The following TRIM55 variants were observed in gnomAD, a reference collection of about 807,000 sequenced individuals.
TRIM55 encodes tripartite motif containing 55.
A neutral mutation model predicts 60.9 loss-of-function variants in TRIM55; 50 were observed. That is an observed-to-expected ratio of 0.82 (90% CI 0.65 to 1.04). The LOEUF (loss-of-function observed/expected upper bound fraction) is 1.04, where lower values mean the gene tolerates loss of function less well. Among genes scored for constraint, TRIM55 ranks in the 50% least tolerant of loss-of-function variants. The pLI, the probability that TRIM55 is intolerant of heterozygous loss-of-function variation, is 0.00. For missense variants in TRIM55, 681 were observed against 666.9 expected, an observed-to-expected ratio of 1.02 and a Z score of -0.23; for synonymous variants, 237 against 238.1, an observed-to-expected ratio of 1.00 and a Z score of 0.04.
chr8:66,156,504 C>A (rs959975623), intron 9 of TRIM55, among the ~76,000 whole-genome samples: 1 of 152,120 alleles, frequency 6.6e-6, no homozygotes, highest in African/African-American at 2.4e-5. Flanking sequence ...TGAGGACTGA[C>A]ATCATAATCC....
chr8:66,153,182 A>G (rs904941584), intron 8 of TRIM55, among the ~76,000 whole-genome samples: 2 of 152,156 alleles, frequency 1.3e-5, no homozygotes, highest in South Asian at 4.1e-4. Flanking sequence ...AATACAACTT[A>G]TGTATTTTTC....
Position 66,149,517 on chromosome 8 carries a change from A to T in TRIM55, c.604-128A>T, listed in dbSNP as rs1586211621. 29 of 711,268 alleles carry T rather than the reference A, an allele frequency of 4.1e-5. No homozygotes were observed. The South Asian group carries it at 5.6e-4, about 14-fold the overall frequency. 44.1% of individuals were successfully genotyped at this position (711,268 alleles called of 1,614,324 possible). ...ATAGTGGGTATCCATACCTAAATAGACATCTTCAGGGAAAAGAAAAAAATA... is the reference window on the plus strand; with the variant it reads ...ATAGTGGGTATCCATACCTAAATAGTCATCTTCAGGGAAAAGAAAAAAATA... On this transcript the variant is annotated intron_variant, in intron 4 of 9. Transcript: ENST00000315962.
In TRIM55 at chr8:66,154,273, C is replaced by T. The variant is rs375031307; in HGVS notation, c.1463C>T (p.Ala488Val). ...NVRKAEVAAA[A>V]ASERAAVSGK... ...CGGAAGGCAGAAGTGGCAGCAGCCG[C>T]AGCGAGTGAGAGGGCAGCTGTGAGT... is the stretch of plus-strand genomic sequence containing the variant. Residue 488 changes from alanine (A) to valine (V), a missense_variant, in exon 9 of 10, where the codon GCA (alanine) becomes GTA (valine). Transcript: ENST00000315962. The T allele has an allele frequency of 3.7e-6, 6 of 1,614,008 alleles. No individual in the cohort carries two copies. In the African/African-American group the frequency reaches 8.0e-5, roughly 22 times the overall value.
the TRIM55 span, among the ~76,000 whole-genome samples, chr8:66,115,967 A>G: frequency 1.3e-5 from 2 of 152,348 alleles, no homozygotes; most frequent in East Asian, 3.9e-4. Context: ...CAAACTGTAG[A>G]GATTCGGACA....
At chr8:66,114,117 A>G in the TRIM55 span, among the ~76,000 whole-genome samples, 1 of 135,308 alleles carries the variant, frequency 7.4e-6, no homozygotes, top group Non-Finnish European at 1.6e-5. Context: ...TTTGAACCAA[A>G]AAAGTCTGTC....
intron 4 of TRIM55, among the ~76,000 whole-genome samples, chr8:66,148,560 G>T (rs1319181029): frequency 6.6e-6 from 1 of 152,192 alleles, no homozygotes; most frequent in Non-Finnish European, 1.5e-5. Flanking sequence ...GGTGACTTGG[G>T]GAAGAACACT....
intron 3 of TRIM55, among the ~76,000 whole-genome samples, chr8:66,135,617 GCACTCTT>G (rs779849252): frequency 0.019 from 2,826 of 152,136 alleles, 42 homozygotes; most frequent in Non-Finnish European, 0.026. Context: ...CTTTTATCCC[GCACTCTT>G]AGTGAGGGAG....
intron 8 of TRIM55, 32 bp from the exon 9 acceptor site, chr8:66,154,015 C>G: frequency 5.5e-6 from 8 of 1,450,924 alleles, no homozygotes; most frequent in Non-Finnish European, 4.6e-6. Flanking sequence ...TTTTTTTTTT[C>G]TTTACTTTTG....
At chr8:66,113,384 G>A in the TRIM55 span, 2 of 393,454 alleles carry the variant, frequency 5.1e-6, no homozygotes, top group Non-Finnish European at 1.0e-5. Flanking sequence ...TAGCTCAGCT[G>A]GTAGAGCGGA....
chr8:66,153,226 A>C (rs893434691), intron 8 of TRIM55, among the ~76,000 whole-genome samples: 2 of 152,102 alleles, frequency 1.3e-5, no homozygotes, highest in African/African-American at 4.8e-5. Flanking sequence ...CTGGTTTTCT[A>C]TGGATTTGTC....
intron 9 of TRIM55, among the ~76,000 whole-genome samples, chr8:66,156,630 A>C (rs932656704): frequency 1.3e-5 from 2 of 152,110 alleles, no homozygotes; most frequent in African/African-American, 4.8e-5. Context: ...TTGTTCCTGT[A>C]GCTCAAAGGC....
At chr8:66,144,109 AT>A (rs1325617988) in intron 4 of TRIM55, among the ~76,000 whole-genome samples, 1 of 152,226 alleles carries the variant, frequency 6.6e-6, no homozygotes, top group Non-Finnish European at 1.5e-5. Flanking sequence ...GAGTCTGCCA[AT>A]TTTAACATTT....
chr8:66,163,714 G>A (rs558897227), intron 9 of TRIM55, among the ~76,000 whole-genome samples: 1 of 152,322 alleles, frequency 6.6e-6, no homozygotes, highest in East Asian at 1.9e-4. Flanking sequence ...CTTGGTGAAT[G>A]TTCCACATGC....
intron 1 of TRIM55, 123 bp from the exon 2 acceptor site, chr8:66,128,181 T>G: frequency 3.2e-6 from 3 of 937,466 alleles, no homozygotes; most frequent in African/African-American, 1.6e-5. Flanking sequence ...CCCTGAGGGA[T>G]GATCTTATGG....
chr8:66,152,562 C>T lies in TRIM55; in HGVS notation c.1171C>T (p.Leu391Phe). 6.2e-7 allele frequency: 1 copy of T among 1,614,184 alleles called. No individual in the cohort carries two copies. The highest frequency in any genetic ancestry group is 2.2e-5 in the East Asian group (1 of 44,874). ...GGAGCTGCAGGCTGCCCCTGGGGCACTTCCAGTTTCCTCTCCAGAGCCACC... is the reference window on the plus strand; with the variant it reads ...GGAGCTGCAGGCTGCCCCTGGGGCATTTCCAGTTTCCTCTCCAGAGCCACC... ...QVELQAAPGA[L>F]PVSSPEPPPA... Residue 391 changes from leucine to phenylalanine, a missense_variant, in exon 8 of 10, where the codon CTT becomes TTT. Coordinates refer to ENST00000315962, the MANE Select transcript of TRIM55 (RefSeq NM_184085.2).
chr8:66,173,912 A>T (rs994544630), intron 9 of TRIM55, among the ~76,000 whole-genome samples: 5 of 147,726 alleles, frequency 3.4e-5, no homozygotes, highest in South Asian at 2.1e-4. Flanking sequence ...TTACCTAGAG[A>T]AAAAAAAATC....
intron 2 of TRIM55, among the ~76,000 whole-genome samples, chr8:66,132,613 C>T (rs1809228581): frequency 6.6e-6 from 1 of 152,186 alleles, no homozygotes; most frequent in Non-Finnish European, 1.5e-5. Flanking sequence ...CGGTGAGGGG[C>T]CACAGCCAAC....
chr8:66,173,022 A>G (rs1811731539), intron 9 of TRIM55, among the ~76,000 whole-genome samples: 1 of 152,132 alleles, frequency 6.6e-6, no homozygotes, highest in Non-Finnish European at 1.5e-5. Flanking sequence ...TGGGCAAGGA[A>G]GGAGTTGGAC....
At chr8:66,127,056 T>G (rs1940172178), upstream of TRIM55, 1 of 473,834 alleles carries the variant, frequency 2.1e-6, no homozygotes, top group African/African-American at 2.0e-5. Flanking sequence ...TGTCACTGGC[T>G]TATATGGACA....
Sources: gnomAD v4.1 joint callset for allele counts (sites outside exome capture counted in the v4.1 genomes callset) on GRCh38, gnomAD v4.1.1 for gene constraint, MANE v1.5 for transcripts, NCBI Gene and HGNC (gene_info 2026-07-23, HGNC 2026-07-21) for gene names.